The following TOX variants were observed in gnomAD, a reference collection of about 807,000 sequenced individuals.
The protein encoded by TOX is thymocyte selection-associated high mobility group box protein TOX.
A neutral mutation model predicts 53.7 loss-of-function variants in TOX; 11 were observed. That is an observed-to-expected ratio of 0.20 (90% CI 0.13 to 0.34). TOX has a LOEUF of 0.34. TOX is among the 10% of genes least tolerant of loss of function. The pLI is 1.00. For missense variants in TOX, 570 were observed against 664.6 expected, an observed-to-expected ratio of 0.86 and a Z score of 1.56; for synonymous variants, 225 against 245.3, an observed-to-expected ratio of 0.92 and a Z score of 0.77.
chr8:59,046,647 C>T (rs959082747), intron 1 of TOX, among the ~76,000 whole-genome samples: 29 of 152,132 alleles, frequency 1.9e-4, no homozygotes, highest in South Asian at 1.7e-3. Context: ...CATTTGAAGT[C>T]CAGAGTTCAA....
intron 4 of TOX, among the ~76,000 whole-genome samples, chr8:58,847,557 C>T (rs1420776422): frequency 6.6e-6 from 1 of 151,988 alleles, no homozygotes; most frequent in African/African-American, 2.4e-5. Flanking sequence ...GTCTAATATT[C>T]ATCCCCTGAG....
chr8:59,038,483 G>A (rs1346660970), intron 1 of TOX, among the ~76,000 whole-genome samples: 2 of 152,120 alleles, frequency 1.3e-5, no homozygotes, highest in African/African-American at 4.8e-5. Context: ...TTCCATCTGA[G>A]ATTTTCAGCC....
intron 1 of TOX, among the ~76,000 whole-genome samples, chr8:59,064,336 C>G (rs186442043): frequency 1.3e-5 from 2 of 152,124 alleles, no homozygotes; most frequent in Admixed American, 6.5e-5. Flanking sequence ...ATCTGTCGTC[C>G]TCTAGTTTTC....
At chr8:59,082,999 G>T (rs1462521621) in intron 1 of TOX, among the ~76,000 whole-genome samples, 1 of 152,148 alleles carries the variant, frequency 6.6e-6, no homozygotes, top group Admixed American at 6.5e-5. Flanking sequence ...TATTCCCACT[G>T]AAGAGGCTGT....
Position 59,118,856 on chromosome 8 carries a change from A to G in TOX, c.102+30T>C. 1 of 1,535,388 alleles carries G rather than the reference A, an allele frequency of 6.5e-7. No individual in the cohort carries two copies. ...CCCCTCCCAGGATCAAGCAGCAAGA[A>G]CACGGTGGAAACAAAAGCAGAGCGT... is the stretch of plus-strand genomic sequence containing the variant. On this transcript the variant is annotated intron_variant, in intron 1 of 8. Coordinates refer to ENST00000361421, the MANE Select transcript of TOX (RefSeq NM_014729.3). This position sits in a 1 kb window ranked among gnomAD's most constrained non-coding sequence, Gnocchi z 4.1.
chr8:58,860,404 T>C, intron 3 of TOX, among the ~76,000 whole-genome samples: 1 of 152,104 alleles, frequency 6.6e-6, no homozygotes. Flanking sequence ...CAATAAATAT[T>C]TTAGGACAGT....
chr8:58,952,481 A>G (rs1812636909), intron 2 of TOX, among the ~76,000 whole-genome samples: 1 of 152,276 alleles, frequency 6.6e-6, no homozygotes, highest in African/African-American at 2.4e-5. Flanking sequence ...CACATGCTAA[A>G]GAAGAAAATA....
rs554986241 is a variant in TOX at position 58,844,916 on chromosome 8, G to C, written c.694-6605C>G. On this transcript the variant is annotated intron_variant, in intron 4 of 8. Transcript: ENST00000361421. Reference sequence around the variant, plus strand: ...ATTTCTCAAATCCCTAGAGGTGCCTGAAGGCTTCTGGTAATTCACCCCTGT... The same window carrying C: ...ATTTCTCAAATCCCTAGAGGTGCCTCAAGGCTTCTGGTAATTCACCCCTGT... Among the ~76,000 whole-genome samples, 140 of 152,204 alleles carry C rather than the reference G, an allele frequency of 9.2e-4. 1 individual carries two copies. The highest frequency in any genetic ancestry group is 3.1e-3 in the African/African-American group (130 of 41,552).
At chr8:58,866,471 A>G (rs541667495) in intron 3 of TOX, among the ~76,000 whole-genome samples, 1 of 152,368 alleles carries the variant, frequency 6.6e-6, no homozygotes, top group East Asian at 1.9e-4. Flanking sequence ...AAAGTAACTG[A>G]TAGAAACAGC....
chr8:59,110,940 T>C (rs1805005585), intron 1 of TOX, among the ~76,000 whole-genome samples: 1 of 152,216 alleles, frequency 6.6e-6, no homozygotes, highest in South Asian at 2.1e-4. Context: ...TGCAGTATTT[T>C]GCTGAATTCT....
chr8:58,881,730 A>C (rs1811386228), intron 3 of TOX, among the ~76,000 whole-genome samples: 1 of 151,704 alleles, frequency 6.6e-6, no homozygotes, highest in African/African-American at 2.4e-5. Flanking sequence ...TCTCAAAAAA[A>C]AAAAAAAAAA....
intron 1 of TOX, among the ~76,000 whole-genome samples, chr8:59,051,583 T>C (rs1230724415): frequency 6.6e-6 from 1 of 152,144 alleles, no homozygotes; most frequent in East Asian, 1.9e-4. Flanking sequence ...CACTAGAAAC[T>C]GGTCACACAA....
chr8:58,808,139 T>C lies in TOX; in HGVS notation c.1523A>G (p.Asn508Ser), dbSNP rs1316807758. The C allele has an allele frequency of 6.2e-6, 10 of 1,613,690 alleles. No homozygotes were observed. The highest frequency in any genetic ancestry group is 7.6e-6 in the Non-Finnish European group (9 of 1,179,794). The change falls in exon 8 of 9, where the codon AAT becomes AGT. Residue 508 changes from asparagine (N) to serine (S), a missense_variant. Around this residue, in one of 3 missense-constraint regions of TOX, gnomAD observed 239 missense variants for 250.7 expected, o/e 0.95. Coordinates refer to ENST00000361421, the MANE Select transcript of TOX (RefSeq NM_014729.3). ...RNPPPQPVDW[N>S]NDYCSSGGMQ... is the part of the protein sequence containing the mutation. ...TTACCCACTACTGCAGTAGTCGTTA[T>C]TCCAGTCCACCGGTTGTGGGGGAGG...
At chr8:59,036,601 C>T (rs1437357208) in intron 1 of TOX, among the ~76,000 whole-genome samples, 1 of 152,168 alleles carries the variant, frequency 6.6e-6, no homozygotes, top group Non-Finnish European at 1.5e-5. Context: ...TGAGGCTCCT[C>T]CTGAAATTAT....
intron 1 of TOX, among the ~76,000 whole-genome samples, chr8:59,096,699 G>A (rs1003592352): frequency 6.6e-6 from 1 of 152,208 alleles, no homozygotes; most frequent in African/African-American, 2.4e-5. Context: ...CATAGGAGGA[G>A]AGACTCGCCT....
chr8:58,828,094 G>A (rs1810394377), intron 5 of TOX, among the ~76,000 whole-genome samples: 1 of 152,180 alleles, frequency 6.6e-6, no homozygotes, highest in Admixed American at 6.5e-5. Context: ...TATAAATTAT[G>A]TCTAAAGACC....
At chr8:59,030,978 T>G (rs1585975434) in intron 1 of TOX, among the ~76,000 whole-genome samples, 1 of 152,334 alleles carries the variant, frequency 6.6e-6, no homozygotes, top group African/African-American at 2.4e-5. Flanking sequence ...TATTAATTGT[T>G]AGTCAATCAA....
intron 5 of TOX, among the ~76,000 whole-genome samples, chr8:58,833,405 G>T (rs1246757631): frequency 6.6e-6 from 1 of 152,036 alleles, no homozygotes; most frequent in Non-Finnish European, 1.5e-5. Context: ...TATTTTGTAG[G>T]GTTTTATTTG....
At chr8:58,941,863 G>A (rs537611863) in intron 2 of TOX, among the ~76,000 whole-genome samples, 47 of 152,158 alleles carry the variant, frequency 3.1e-4, no homozygotes, top group African/African-American at 1.1e-3. Context: ...GACCAGCCTG[G>A]TCAATATGGT....
Sources: gnomAD v4.1 joint callset for allele counts (sites outside exome capture counted in the v4.1 genomes callset) on GRCh38, gnomAD v4.1.1 for gene constraint, gnomAD v4.1.1 regional missense constraint, Gnocchi (gnomAD v3.1) non-coding constraint, MANE v1.5 for transcripts, NCBI Gene and HGNC (gene_info 2026-07-23, HGNC 2026-07-21) for gene names.